Variants in HPSE2 observed in about 807,000 individuals in gnomAD.
HPSE2 encodes the protein heparanase 2 (inactive).
HPSE2 carries 38 observed loss-of-function variants against 60.5 expected under a neutral mutation model. That is an observed-to-expected ratio of 0.63 (90% CI 0.48 to 0.82). The LOEUF (loss-of-function observed/expected upper bound fraction) is 0.82, where lower values mean the gene tolerates loss of function less well. Ranked by LOEUF, HPSE2 falls within the 40% of genes least tolerant of loss-of-function variation. HPSE2 has a pLI of 0.00. For missense variants in HPSE2, 713 were observed against 740.4 expected, an observed-to-expected ratio of 0.96 and a Z score of 0.43; for synonymous variants, 295 against 293.2, an observed-to-expected ratio of 1.01 and a Z score of -0.06.
Position 98,874,172 on chromosome 10 carries a change from G to GTT in HPSE2, c.611-130118_611-130117dup, listed in dbSNP as rs59429630. 7.0e-4 allele frequency among the ~76,000 whole-genome samples: 101 copies of GTT among 144,704 alleles called. 1 individual carries two copies. Among genetic ancestry groups the GTT allele is most frequent in the South Asian group, 1.7e-3 (8 of 4,612 alleles). 94.9% of individuals were successfully genotyped at this position (144,704 alleles called of 152,430 possible). On this transcript the variant is annotated intron_variant, in intron 3 of 11. Transcript: ENST00000370552. The stretch of plus-strand genomic sequence containing the variant: ...CTGTATGTTGTGTGTTCACTCTGAT[G>GTT]TTTTTTTTTTTTCTGCTGTGCAGAA...
chr10:98,953,307 C>T (rs1414335089), intron 3 of HPSE2, among the ~76,000 whole-genome samples: 2 of 152,166 alleles, frequency 1.3e-5, no homozygotes, highest in Non-Finnish European at 2.9e-5. Flanking sequence ...ATGACTAGAA[C>T]CTTGCTGACT....
At chr10:99,127,897 T>C (rs1845223679) in intron 3 of HPSE2, among the ~76,000 whole-genome samples, 1 of 151,638 alleles carries the variant, frequency 6.6e-6, no homozygotes, top group Admixed American at 6.6e-5. Context: ...AAAACTAAGC[T>C]TCTTAAATGA....
intron 3 of HPSE2, among the ~76,000 whole-genome samples, chr10:98,760,237 A>C (rs1471996794): frequency 6.6e-6 from 1 of 151,898 alleles, no homozygotes; most frequent in Non-Finnish European, 1.5e-5. Flanking sequence ...AGACAATTTC[A>C]CTTTTTCCTT....
At position 98,801,548 on chromosome 10, in the gene HPSE2, G is replaced by A. The variant is rs563107478; in HGVS notation, c.611-57492C>T. ...GAAAAAACCAGTAGTATTTCTATAT[G>A]TCAACAGTGAACAATATGAAAAAGA... On this transcript the variant is annotated intron_variant, in intron 3 of 11. Transcript: ENST00000370552. 9.2e-5 allele frequency among the ~76,000 whole-genome samples: 14 copies of A among 152,142 alleles called. No homozygotes were observed. In the East Asian group the frequency reaches 1.3e-3, roughly 15 times the overall value.
At chr10:99,174,838 A>C (rs984127529) in intron 2 of HPSE2, among the ~76,000 whole-genome samples, 12 of 152,192 alleles carry the variant, frequency 7.9e-5, no homozygotes, top group Admixed American at 7.9e-4. Flanking sequence ...GACCGAATAG[A>C]AACAGCTCCA....
chr10:99,107,784 T>C (rs1286153199), intron 3 of HPSE2, among the ~76,000 whole-genome samples: 1 of 152,166 alleles, frequency 6.6e-6, no homozygotes, highest in African/African-American at 2.4e-5. Flanking sequence ...TAGATGAACA[T>C]TCAACAAGTA....
intron 5 of HPSE2, among the ~76,000 whole-genome samples, chr10:98,703,492 TC>T (rs1948467299): frequency 1.2e-4 from 2 of 16,972 alleles, no homozygotes; most frequent in Non-Finnish European, 6.5e-4. Flanking sequence ...AAAGAAAACT[TC>T]AGGCCAATAT....
chr10:98,968,648 T>A (rs754882973), intron 3 of HPSE2, among the ~76,000 whole-genome samples: 1 of 152,218 alleles, frequency 6.6e-6, no homozygotes, highest in South Asian at 2.1e-4. Context: ...ATATACACCA[T>A]GGAATGCTAT....
At chr10:99,162,628 A>G (rs1846889244) in intron 2 of HPSE2, among the ~76,000 whole-genome samples, 1 of 152,136 alleles carries the variant, frequency 6.6e-6, no homozygotes, top group Non-Finnish European at 1.5e-5. Flanking sequence ...TAATATTCCC[A>G]AGCCAAAGTA....
intron 9 of HPSE2, among the ~76,000 whole-genome samples, chr10:98,563,230 A>G (rs1944242723): frequency 6.6e-6 from 1 of 152,328 alleles, no homozygotes; most frequent in East Asian, 1.9e-4. Flanking sequence ...ACATTATTCT[A>G]TAATAAAAAA....
At chr10:98,836,598 T>A (rs1440175834) in intron 3 of HPSE2, among the ~76,000 whole-genome samples, 1 of 152,132 alleles carries the variant, frequency 6.6e-6, no homozygotes, top group Non-Finnish European at 1.5e-5. Context: ...GTAGAACAGG[T>A]CATGAGTAAG....
chr10:98,897,304 A>G (rs1953521726), intron 3 of HPSE2, among the ~76,000 whole-genome samples: 1 of 152,174 alleles, frequency 6.6e-6, no homozygotes, highest in African/African-American at 2.4e-5. Flanking sequence ...CGTGTAACCA[A>G]AAACCAACTG....
chr10:98,560,541 C>T (rs1478800203), intron 9 of HPSE2, among the ~76,000 whole-genome samples: 1 of 152,222 alleles, frequency 6.6e-6, no homozygotes, highest in Non-Finnish European at 1.5e-5. Context: ...GTAGGCCCCA[C>T]CTTTCTCTTT....
chr10:98,555,390 G>A (rs1318872989), intron 9 of HPSE2, among the ~76,000 whole-genome samples: 1 of 152,178 alleles, frequency 6.6e-6, no homozygotes, highest in Admixed American at 6.5e-5. Context: ...AGCCCTGTAT[G>A]TGTCTGCCTG....
the HPSE2 span, among the ~76,000 whole-genome samples, chr10:99,246,442 A>T: frequency 6.6e-6 from 1 of 152,220 alleles, no homozygotes; most frequent in Non-Finnish European, 1.5e-5. Context: ...ACAATAAGGG[A>T]TTATGACTTA....
intron 5 of HPSE2, among the ~76,000 whole-genome samples, chr10:98,702,546 C>T (rs911297136): frequency 6.6e-6 from 1 of 152,198 alleles, no homozygotes; most frequent in African/African-American, 2.4e-5. Context: ...AAGTAAAACA[C>T]TTCTCAGCAA....
chr10:98,482,204 TAAC>T (rs1015070932), intron 11 of HPSE2, among the ~76,000 whole-genome samples: 4 of 152,072 alleles, frequency 2.6e-5, no homozygotes, highest in African/African-American at 9.7e-5. Context: ...TAATAGATGG[TAAC>T]AACAAGGGAG....
intron 9 of HPSE2, among the ~76,000 whole-genome samples, chr10:98,521,113 T>A (rs1942776998): frequency 1.3e-5 from 2 of 152,166 alleles, no homozygotes; most frequent in Admixed American, 6.5e-5. Flanking sequence ...CCAAAAGCAA[T>A]GGCAACAAAA....
At chr10:98,519,666 C>T (rs1265413911) in intron 9 of HPSE2, among the ~76,000 whole-genome samples, 2 of 152,218 alleles carry the variant, frequency 1.3e-5, no homozygotes, top group Non-Finnish European at 2.9e-5. Context: ...ATGCTAGCAT[C>T]TTTCTGGCTA....
Sources: allele counts gnomAD v4.1 joint callset (sites outside exome capture counted in the v4.1 genomes callset), GRCh38; gene constraint gnomAD v4.1.1; transcripts MANE v1.5; gene names NCBI Gene and HGNC (gene_info 2026-07-23, HGNC 2026-07-21).